Variants in MAN1A1 observed in about 807,000 individuals in gnomAD.
The protein encoded by MAN1A1 is mannosidase alpha class 1A member 1.
Under a neutral mutation model 70.8 loss-of-function variants are expected in MAN1A1, and 29 were observed. That is an observed-to-expected ratio of 0.41 (90% CI 0.31 to 0.56). The LOEUF is 0.56. Among genes scored for constraint, MAN1A1 ranks in the 20% least tolerant of loss-of-function variants. The pLI is 0.29. For missense variants in MAN1A1, 747 were observed against 841.3 expected (o/e 0.89, Z 1.39); for synonymous variants, 349 against 330.1 (o/e 1.06, Z -0.62).
chr6:119,200,392 T>A (rs573173113), intron 8 of MAN1A1, among the ~76,000 whole-genome samples: 1 of 152,294 alleles, frequency 6.6e-6, no homozygotes, highest in East Asian at 1.9e-4. Flanking sequence ...ACAGACATAT[T>A]TTAGCATATG....
intron 5 of MAN1A1, among the ~76,000 whole-genome samples, chr6:119,283,701 G>GT (rs1776281246): frequency 6.6e-6 from 1 of 151,648 alleles, no homozygotes; most frequent in South Asian, 2.1e-4. Flanking sequence ...GGCTTGGTGC[G>GT]TTTTTTGGAA....
At chr6:119,223,113 CATTCTAAAA>C (rs1457483744) in intron 6 of MAN1A1, among the ~76,000 whole-genome samples, 7 of 151,888 alleles carry the variant, frequency 4.6e-5, no homozygotes, top group Non-Finnish European at 1.5e-5. Context: ...TTAGAATATT[CATTCTAAAA>C]TATTTTGTGA....
chr6:119,345,772 C>T (rs1248379104), intron 2 of MAN1A1, among the ~76,000 whole-genome samples: 1 of 152,180 alleles, frequency 6.6e-6, no homozygotes, highest in Non-Finnish European at 1.5e-5. Flanking sequence ...AGTGTTGGTG[C>T]ATTCAGGTGT....
chr6:119,185,883 A>G (rs1426231339), intron 11 of MAN1A1, among the ~76,000 whole-genome samples: 1 of 151,008 alleles, frequency 6.6e-6, no homozygotes, highest in African/African-American at 2.4e-5. Flanking sequence ...AATCTACTAA[A>G]AGAACAAGTT....
Position 119,193,779 on chromosome 6 carries a change from G to A in MAN1A1, c.1324C>T (p.Gln442Ter). 1 of 1,609,252 alleles carries A rather than the reference G, an allele frequency of 6.2e-7. No individual in the cohort carries two copies. ...AGATGATTTAAATATTGGGTTACCT[G>A]AACAGCATCAAAATACATCTTCTTA... is the stretch of plus-strand genomic sequence containing the variant. ...EAKKMYFDAV[Q>*]AIETHLIRKS... Residue 442 changes from glutamine (Q) to a stop codon, truncating the protein, a stop_gained and splice_region_variant, in exon 9 of 13, where the codon CAG becomes TAG. Coordinates refer to ENST00000368468, the MANE Select transcript of MAN1A1 (RefSeq NM_005907.4). LOFTEE classifies it high-confidence loss of function.
chr6:119,339,590 T>C (rs1430967110), intron 2 of MAN1A1, among the ~76,000 whole-genome samples: 4 of 152,010 alleles, frequency 2.6e-5, no homozygotes, highest in Non-Finnish European at 4.4e-5. Context: ...GATAAAACTA[T>C]GAAGGATTTG....
chr6:119,235,567 G>A (rs899609212), intron 6 of MAN1A1, among the ~76,000 whole-genome samples: 4 of 152,202 alleles, frequency 2.6e-5, no homozygotes, highest in African/African-American at 9.6e-5. Context: ...AGCTGTCTCT[G>A]TAACATAGAA....
chr6:119,347,861 T>C (rs547741766), intron 2 of MAN1A1, among the ~76,000 whole-genome samples: 3 of 152,386 alleles, frequency 2.0e-5, no homozygotes, highest in East Asian at 3.9e-4. Flanking sequence ...GAATACCCTA[T>C]TTCTGGCTGT....
At position 119,348,930 on chromosome 6, in the gene MAN1A1, G is replaced by C; in HGVS notation, c.136C>G (p.Leu46Val). 1.3e-6 allele frequency: 2 copies of C among 1,533,326 alleles called. No homozygotes were observed. The highest frequency in any genetic ancestry group is 1.8e-6 in the Non-Finnish European group (2 of 1,140,418). 95.0% of individuals were successfully genotyped at this position (1,533,326 alleles called of 1,614,324 possible). Residue 46 changes from leucine (L) to valine (V), a missense_variant, in exon 2 of 13, where the codon CTG becomes GTG. Coordinates refer to ENST00000368468, the MANE Select transcript of MAN1A1 (RefSeq NM_005907.4). ...AGCGTGATGAAGGCGCTGAATACCA[G>C]CAGCAGCACGAACTTCTCCGTCAGG... Reference protein sequence around the residue: ...LRLTEKFVLLLVFSAFITLCF... With the variant: ...LRLTEKFVLLVVFSAFITLCF...
At chr6:119,266,252 G>C (rs1775750584) in intron 5 of MAN1A1, among the ~76,000 whole-genome samples, 1 of 152,172 alleles carries the variant, frequency 6.6e-6, no homozygotes, top group Non-Finnish European at 1.5e-5. Flanking sequence ...AACTGATTAT[G>C]AAGTTTATGT....
intron 6 of MAN1A1, among the ~76,000 whole-genome samples, chr6:119,228,598 A>G (rs1294825386): frequency 6.6e-6 from 1 of 152,134 alleles, no homozygotes; most frequent in Non-Finnish European, 1.5e-5. Context: ...CTCTTTTAGA[A>G]AACTATTTTT....
rs775843176 is a variant in MAN1A1, at chr6:119,348,637, G to A, written c.429C>T (p.Pro143=). The A allele has an allele frequency of 3.8e-5, 61 of 1,613,750 alleles. No homozygotes were observed. Among genetic ancestry groups the A allele is most frequent in the Admixed American group, 8.3e-5 (5 of 59,992 alleles). Residue 143 remains proline (P), a synonymous_variant, in exon 2 of 13, where the codon CCC becomes CCT. Transcript: ENST00000368468. ...REAKETLQKL[P]EEIQRDILLE... is the part of the protein sequence containing the mutation. Reference sequence around the variant, plus strand: ...GTAGGATGTCTCTTTGGATCTCCTCGGGCAGCTTCTGCAGGGTCTCCTTGG... The same window carrying A: ...GTAGGATGTCTCTTTGGATCTCCTCAGGCAGCTTCTGCAGGGTCTCCTTGG...
chr6:119,345,655 T>C (rs1773708670), intron 2 of MAN1A1, among the ~76,000 whole-genome samples: 2 of 152,202 alleles, frequency 1.3e-5, no homozygotes, highest in Admixed American at 1.3e-4. Flanking sequence ...ATATAAAAAA[T>C]AGTATTGACT....
chr6:119,303,341 C>T lies in MAN1A1; in HGVS notation c.701-1238G>A, dbSNP rs6924061. 4.1e-3 allele frequency among the ~76,000 whole-genome samples: 624 copies of T among 152,272 alleles called. 3 individuals are homozygous for T. Among genetic ancestry groups the T allele is most frequent in the African/African-American group, 0.014 (595 of 41,548 alleles). ...GCCTATAAACTTAGAACAAACAAGT[C>T]ATGTCTTATCTCCAGATTCCTTATG... On this transcript the variant is annotated intron_variant, in intron 3 of 12. Transcript: ENST00000368468.
chr6:119,197,034 C>T (rs1314562354), intron 8 of MAN1A1, among the ~76,000 whole-genome samples: 1 of 152,144 alleles, frequency 6.6e-6, no homozygotes, highest in Admixed American at 6.5e-5. Flanking sequence ...GCAGGTCCAG[C>T]GTGGTGTTTC....
chr6:119,349,841 A>C, upstream of MAN1A1: 2 of 787,258 alleles, frequency 2.5e-6, no homozygotes, highest in Non-Finnish European at 1.5e-6. Context: ...CGGGCCAATC[A>C]CGCGCCGCCC....
At position 119,201,569 on chromosome 6, in the gene MAN1A1, G is replaced by A. The variant is rs144460660; in HGVS notation, c.1117-222C>T. Among the ~76,000 whole-genome samples the A allele has an allele frequency of 1.4e-3, 218 of 152,272 alleles. 1 individual carries two copies. The highest frequency in any genetic ancestry group is 5.0e-3 in the African/African-American group (209 of 41,546). On this transcript the variant is annotated intron_variant, in intron 7 of 12. Coordinates refer to ENST00000368468, the MANE Select transcript of MAN1A1 (RefSeq NM_005907.4). ...GCCATACTAGGAACAAGGGGCCAGT[G>A]GATAAACAAAGTCACCACACTCTTA... is the stretch of plus-strand genomic sequence containing the variant.
intron 2 of MAN1A1, among the ~76,000 whole-genome samples, chr6:119,347,793 C>T (rs1490988305): frequency 6.6e-6 from 1 of 152,196 alleles, no homozygotes; most frequent in Admixed American, 6.5e-5. Context: ...CCATGTTTAT[C>T]CTGGATTAAC....
At chr6:119,199,519 G>A (rs1009933624) in intron 8 of MAN1A1, among the ~76,000 whole-genome samples, 10 of 152,078 alleles carry the variant, frequency 6.6e-5, no homozygotes, top group African/African-American at 2.4e-4. Flanking sequence ...GTACTCACAG[G>A]TTGGTATTTA....
Sources: gnomAD v4.1 joint callset for allele counts (sites outside exome capture counted in the v4.1 genomes callset) on GRCh38, gnomAD v4.1.1 for gene constraint, MANE v1.5 for transcripts, NCBI Gene and HGNC (gene_info 2026-07-23, HGNC 2026-07-21) for gene names.